ADAMTS9: variants seen among roughly 807,000 people sequenced by gnomAD.
The protein encoded by ADAMTS9 is A disintegrin and metalloproteinase with thrombospondin motifs 9.
A neutral mutation model predicts 257.1 loss-of-function variants in ADAMTS9; 107 were observed. The ratio of observed to expected loss-of-function variants is 0.42; its 90% CI spans 0.36 to 0.49. The LOEUF (loss-of-function observed/expected upper bound fraction) is 0.49. ADAMTS9 is among the 20% of genes least tolerant of loss of function. The pLI, the probability that ADAMTS9 is intolerant of heterozygous loss-of-function variation, is 0.03. For synonymous variants in ADAMTS9, 982 were observed against 880.9 expected (o/e 1.11, Z -2.03); for missense variants, 2,353 against 2,469.1 (o/e 0.95, Z 1.00).
chr3:64,616,056 A>G lies in ADAMTS9; in HGVS notation c.2928T>C (p.Asp976=). 6.2e-7 allele frequency: 1 copy of G among 1,614,050 alleles called. No individual in the cohort carries two copies. Among genetic ancestry groups the G allele is most frequent in the Middle Eastern group, 1.7e-4 (1 of 6,036 alleles). ...SRLDGKTEKV[D]DGFCSSHPKP... ...TGGGATGGCTGCTGCAAAAACCATC[A>G]TCAACCTTCTCAGTCTTCCCATCCA... The change falls in exon 20 of 40, where the codon GAT becomes GAC. Residue 976 remains aspartate, a synonymous_variant. Transcript: ENST00000498707.
intron 8 of ADAMTS9, among the ~76,000 whole-genome samples, chr3:64,652,648 T>C (rs1700959290): frequency 6.6e-6 from 1 of 152,222 alleles, no homozygotes; most frequent in Non-Finnish European, 1.5e-5. Flanking sequence ...ATTTGCTCAC[T>C]GCAGGAGTTA....
rs192424376 is a variant in ADAMTS9 at position 64,653,228 on chromosome 3, T to C, written c.1316+1125A>G. On this transcript the variant is annotated intron_variant, in intron 8 of 39. Transcript: ENST00000498707. ...CGCCACTAAGCTGGGGAAGCTGGAA[T>C]GGGAATTCTCTTCAAGGCTTCCTTG... Among the ~76,000 whole-genome samples, 6 of 152,296 alleles carry C rather than the reference T, an allele frequency of 3.9e-5. No homozygotes were observed. In the East Asian group the frequency reaches 1.2e-3, roughly 29 times the overall value.
chr3:64,552,716 C>G (rs879694465), intron 30 of ADAMTS9, among the ~76,000 whole-genome samples: 4 of 152,012 alleles, frequency 2.6e-5, no homozygotes, highest in Non-Finnish European at 5.9e-5. Context: ...AGCCACCACG[C>G]TCAGCTTATT....
At chr3:64,597,821 T>C (rs2084392020) in intron 26 of ADAMTS9, among the ~76,000 whole-genome samples, 1 of 152,234 alleles carries the variant, frequency 6.6e-6, no homozygotes, top group South Asian at 2.1e-4. Context: ...AAATGTTTGC[T>C]AGTGTCCTTT....
In ADAMTS9 at chr3:64,686,811, G is replaced by C; in HGVS notation, c.273C>G (p.Ser91=). The C allele has an allele frequency of 1.2e-6, 2 of 1,614,124 alleles. No homozygotes were observed. The highest frequency in any genetic ancestry group is 1.1e-5 in the South Asian group (1 of 91,070). ...AATGCGCCTGGGAGGAGGTAGAGGAGGAAGAGGAGGAGGCGAAGGCAGGCC... is the reference window on the plus strand; with the variant it reads ...AATGCGCCTGGGAGGAGGTAGAGGACGAAGAGGAGGAGGCGAAGGCAGGCC... ...DPWPAFASSS[S]SSTSSQAHYR... The change falls in exon 2 of 40, where the codon TCC becomes TCG. Residue 91 remains serine (S), a synonymous_variant. Coordinates refer to ENST00000498707, the MANE Select transcript of ADAMTS9 (RefSeq NM_182920.2). This position sits in a 1 kb window ranked among gnomAD's most constrained non-coding sequence, Gnocchi z 4.6.
chr3:64,684,711 C>T (rs1701848902), intron 2 of ADAMTS9, among the ~76,000 whole-genome samples: 1 of 152,108 alleles, frequency 6.6e-6, no homozygotes, highest in African/African-American at 2.4e-5. Context: ...TTTCTGAAGC[C>T]CTAGTCCTCA....
chr3:64,662,510 A>G lies in ADAMTS9; in HGVS notation c.680-3719T>C, dbSNP rs190787627. On this transcript the variant is annotated intron_variant, in intron 3 of 39. Transcript: ENST00000498707. ...TGAAAGCGGGGTGCTGAAGTTTCCA[A>G]TTATTGTTGTTGAATTGTCTATTTG... Among the ~76,000 whole-genome samples, 26 of 152,164 alleles carry G rather than the reference A, an allele frequency of 1.7e-4. No homozygotes were observed. In the East Asian group the frequency reaches 4.4e-3, roughly 26 times the overall value.
intron 30 of ADAMTS9, among the ~76,000 whole-genome samples, chr3:64,557,481 G>A (rs922132940): frequency 5.3e-5 from 8 of 152,066 alleles, no homozygotes; most frequent in African/African-American, 1.9e-4. Flanking sequence ...ATTCTAAAGT[G>A]GGTAAAACTG....
chr3:64,636,245 G>A (rs377402769), intron 12 of ADAMTS9, among the ~76,000 whole-genome samples: 43 of 152,224 alleles, frequency 2.8e-4, no homozygotes, highest in South Asian at 4.1e-4. Flanking sequence ...AACATGGCAA[G>A]TAGTATTTTG....
rs61286740 is a variant in ADAMTS9 at position 64,518,764 on chromosome 3, A to ATTTT, written c.*6-1647_*6-1644dup. ...CGAGGGAATTTATCATTACCTTTTC[A>ATTTT]TTTTTTTTTTTTTTTTTTTTTTTTT... On this transcript the variant is annotated intron_variant, in intron 39 of 39. Coordinates refer to ENST00000498707, the MANE Select transcript of ADAMTS9 (RefSeq NM_182920.2). Among the ~76,000 whole-genome samples, 80 of 65,314 alleles carry ATTTT rather than the reference A, an allele frequency of 1.2e-3. 2 individuals are homozygous for ATTTT. Among genetic ancestry groups the ATTTT allele is most frequent in the African/African-American group, 3.2e-3 (65 of 20,188 alleles). The allele number at this position is 65,314 out of a possible 152,430, so 42.8% of individuals were successfully genotyped here.
At chr3:64,559,072 C>T (rs2083380591) in intron 30 of ADAMTS9, among the ~76,000 whole-genome samples, 1 of 152,138 alleles carries the variant, frequency 6.6e-6, no homozygotes, top group Non-Finnish European at 1.5e-5. Flanking sequence ...ACCCAGTTTA[C>T]TGTTGAACAA....
At chr3:64,536,557 T>A (rs1347171340) in intron 37 of ADAMTS9, among the ~76,000 whole-genome samples, 1 of 152,198 alleles carries the variant, frequency 6.6e-6, no homozygotes, top group African/African-American at 2.4e-5. Flanking sequence ...AAGACATGTC[T>A]ACTATCATGG....
intron 25 of ADAMTS9, among the ~76,000 whole-genome samples, chr3:64,602,421 T>C (rs2084480330): frequency 6.6e-6 from 1 of 152,168 alleles, no homozygotes; most frequent in Non-Finnish European, 1.5e-5. Flanking sequence ...TCACAAAATA[T>C]AACCCTTTAC....
intron 28 of ADAMTS9, among the ~76,000 whole-genome samples, chr3:64,591,985 A>G (rs1055185841): frequency 1.3e-5 from 2 of 152,198 alleles, no homozygotes; most frequent in Non-Finnish European, 2.9e-5. Context: ...TATTAACACA[A>G]TTACTGAGGT....
chr3:64,522,092 C>T, intron 39 of ADAMTS9, 74 bp downstream of exon 39: 1 of 1,307,628 alleles, frequency 7.6e-7, no homozygotes, highest in South Asian at 1.2e-5. Context: ...CCTGATCCTC[C>T]CACATTTGCT....
chr3:64,639,327 A>G (rs1342719927), intron 12 of ADAMTS9, among the ~76,000 whole-genome samples: 1 of 148,548 alleles, frequency 6.7e-6, no homozygotes, highest in Non-Finnish European at 1.5e-5. Flanking sequence ...AAAAAAAAAA[A>G]AAAACCTCCC....
Position 64,546,622 on chromosome 3 carries a change from A to G in ADAMTS9, c.5064+136T>C, listed in dbSNP as rs1048979644. On this transcript the variant is annotated intron_variant, in intron 32 of 39. Transcript: ENST00000498707. Reference sequence around the variant, plus strand: ...GAAAGAAGTCCCTTTGATCCCTGTTAGCCCATTTCAAGTTGCTAACTCCAG... The same window carrying G: ...GAAAGAAGTCCCTTTGATCCCTGTTGGCCCATTTCAAGTTGCTAACTCCAG... 26 of 878,762 alleles carry G rather than the reference A, an allele frequency of 3.0e-5. No homozygotes were observed. In the East Asian group the frequency reaches 5.2e-4, roughly 18 times the overall value. 54.4% of individuals were successfully genotyped at this position (878,762 alleles called of 1,614,324 possible).
Position 64,539,259 on chromosome 3 carries a change from G to A in ADAMTS9, c.5557C>T (p.His1853Tyr), listed in dbSNP as rs774306492. 1 of 1,614,136 alleles carries A rather than the reference G, an allele frequency of 6.2e-7. No individual in the cohort carries two copies. The highest frequency in any genetic ancestry group is 8.5e-7 in the Non-Finnish European group (1 of 1,179,972). ...CCGGCTGTGGCAAAAGGGACGGGAT[G>A]TCCTTCGCTTGTCCTTGCAAACTGT... ...DLQFARTSEG[H>Y]PVPFATAGDC... The change falls in exon 37 of 40, where the codon CAT becomes TAT. Residue 1853 changes from histidine (H) to tyrosine (Y), a missense_variant. His to Tyr is a moderately conservative substitution (Grantham distance 83). Around this residue, in one of 3 missense-constraint regions of ADAMTS9, gnomAD observed 1,402 missense variants for 1,441.4 expected, o/e 0.97. Transcript: ENST00000498707.
intron 16 of ADAMTS9, among the ~76,000 whole-genome samples, chr3:64,628,292 G>A (rs572179646): frequency 1.2e-4 from 19 of 152,182 alleles, no homozygotes; most frequent in Non-Finnish European, 2.5e-4. Flanking sequence ...TGCTTGATGT[G>A]CATTGATTAA....
Sources: gnomAD v4.1 joint callset for allele counts (sites outside exome capture counted in the v4.1 genomes callset) on GRCh38, gnomAD v4.1.1 for gene constraint, gnomAD v4.1.1 regional missense constraint, Gnocchi (gnomAD v3.1) non-coding constraint, MANE v1.5 for transcripts, NCBI Gene and HGNC (gene_info 2026-07-23, HGNC 2026-07-21) for gene names.